Variants in MADD observed in about 807,000 individuals in gnomAD.
The protein encoded by MADD is MAP kinase-activating death domain protein.
In MADD, 109 loss-of-function variants were observed where a neutral mutation model predicts 176.7. That is an observed-to-expected ratio of 0.62 (90% confidence interval 0.53 to 0.72). MADD has a LOEUF of 0.72. Among genes scored for constraint, MADD ranks in the 30% least tolerant of loss-of-function variants. The pLI is 0.00. For missense variants in MADD, 1,914 were observed against 2,045.5 expected (o/e 0.94, Z 1.24); for synonymous variants, 771 against 771.3 (o/e 1.00, Z 0.01).
At chr11:47,312,814 G>T (rs964685941) in intron 26 of MADD, among the ~76,000 whole-genome samples, 1 of 152,170 alleles carries the variant, frequency 6.6e-6, no homozygotes, top group African/African-American at 2.4e-5. Flanking sequence ...ACTCTTATTA[G>T]ATTGATTAAT....
At chr11:47,294,346 C>T (rs1182706728) in intron 20 of MADD, among the ~76,000 whole-genome samples, 3 of 116,690 alleles carry the variant, frequency 2.6e-5, no homozygotes, top group Non-Finnish European at 5.0e-5. Flanking sequence ...GAAACTCCAT[C>T]TCAAAAAAAA....
At chr11:47,292,648 C>T (rs1353266473) in intron 19 of MADD, 52 bp downstream of exon 21, 5 of 1,578,474 alleles carry the variant, frequency 3.2e-6, no homozygotes, top group Non-Finnish European at 4.4e-6. Flanking sequence ...CCTGCCAACT[C>T]CCCAGGCCCA....
intron 3 of MADD, 116 bp downstream of exon 3, chr11:47,275,275 ATATTTAGAG>A (rs2048595839): frequency 2.3e-6 from 2 of 873,410 alleles, no homozygotes; most frequent in East Asian, 4.8e-5. Context: ...CCTATTAAGC[ATATTTAGAG>A]TATTTAGAGT....
chr11:47,300,516 G>A (rs1397353733), intron 22 of MADD, among the ~76,000 whole-genome samples: 1 of 139,180 alleles, frequency 7.2e-6, no homozygotes, highest in East Asian at 2.3e-4. Context: ...TTTTTTCTTT[G>A]AGACAGAGTC....
At chr11:47,290,353 C>T in intron 18 of MADD, 54 bp downstream of exon 19, 1 of 1,590,724 alleles carries the variant, frequency 6.3e-7, no homozygotes, top group Non-Finnish European at 8.6e-7. Context: ...CCACTTGTCT[C>T]CTGAAGAGAA....
chr11:47,292,430 G>A, intron 19 of MADD, 113 bp from the exon 21 acceptor site: 1 of 884,560 alleles, frequency 1.1e-6, no homozygotes, highest in Non-Finnish European at 1.9e-6. Context: ...CTCTTGGTTG[G>A]TAATCCAGTG....
intron 14 of MADD, among the ~76,000 whole-genome samples, 162 bp downstream of exon 14, chr11:47,285,752 T>C (rs944910573): frequency 7.0e-6 from 1 of 143,840 alleles, no homozygotes; most frequent in African/African-American, 2.6e-5. Flanking sequence ...CGTTTTCAAG[T>C]GAGGTCAGTA....
At chr11:47,310,917 A>G (rs1305602321) in intron 25 of MADD, among the ~76,000 whole-genome samples, 1 of 151,956 alleles carries the variant, frequency 6.6e-6, no homozygotes, top group Non-Finnish European at 1.5e-5. Context: ...CAAAAAAAAA[A>G]AAAAAAGAAA....
At chr11:47,295,807 C>G in intron 21 of MADD, 90 bp from the exon 24 acceptor site, 2 of 1,530,862 alleles carry the variant, frequency 1.3e-6, no homozygotes, top group South Asian at 2.6e-5. Flanking sequence ...AAATTTAATA[C>G]TTTTTTATGG....
intron 31 of MADD, chr11:47,327,906 C>T (rs1490632845): frequency 2.0e-6 from 2 of 985,184 alleles, no homozygotes; most frequent in Non-Finnish European, 1.2e-6. Flanking sequence ...AAGCAGAACC[C>T]CTGCATGGCT....
At chr11:47,326,335 G>A (rs1318762523) in intron 30 of MADD, among the ~76,000 whole-genome samples, 1 of 152,178 alleles carries the variant, frequency 6.6e-6, no homozygotes, top group East Asian at 1.9e-4. Flanking sequence ...CTTTGCGCCC[G>A]TGCCAGCCCT....
intron 25 of MADD, among the ~76,000 whole-genome samples, chr11:47,310,336 C>T (rs892086314): frequency 6.6e-6 from 1 of 151,708 alleles, no homozygotes. Context: ...CATCTACCAC[C>T]ATGCCTGGCT....
chr11:47,327,123 GC>G, intron 31 of MADD: 1 of 1,090,524 alleles, frequency 9.2e-7, no homozygotes, highest in South Asian at 3.2e-5. Context: ...TTGGGACACA[GC>G]AGACTGGCGA....
At chr11:47,281,260 C>A (rs2056431068) in intron 7 of MADD, among the ~76,000 whole-genome samples, 1 of 152,196 alleles carries the variant, frequency 6.6e-6, no homozygotes, top group Non-Finnish European at 1.5e-5. Flanking sequence ...CATTTAATGA[C>A]TATAATAATT....
chr11:47,273,930 A>T lies in MADD; in HGVS notation c.16A>T (p.Lys6Ter), dbSNP rs2047308274. Reference sequence around the variant, plus strand: ...AATTGGAACCATGGTGCAAAAGAAGAAGTTCTGTCCTCGGTTACTTGACTA... The same window carrying T: ...AATTGGAACCATGGTGCAAAAGAAGTAGTTCTGTCCTCGGTTACTTGACTA... The change falls in exon 2 of 33, where the codon AAG (lysine) becomes TAG (stop). Residue 6 changes from lysine (K) to a stop codon, truncating the protein, a stop_gained. Coordinates refer to ENST00000402192, the Ensembl canonical transcript of MADD. LOFTEE classifies it high-confidence loss of function. The T allele has an allele frequency of 1.9e-6, 3 of 1,613,998 alleles. No individual in the cohort carries two copies. The highest frequency in any genetic ancestry group is 1.7e-6 in the Non-Finnish European group (2 of 1,179,996).
intron 10 of MADD, 50 bp downstream of exon 10, chr11:47,283,019 A>G (rs760619216): frequency 6.3e-7 from 1 of 1,579,500 alleles, no homozygotes; most frequent in South Asian, 1.1e-5. Context: ...GGAGGCTCTC[A>G]CTAGCCCTTC....
intron 22 of MADD, among the ~76,000 whole-genome samples, chr11:47,296,322 A>G (rs1019889971): frequency 6.6e-6 from 1 of 152,192 alleles, no homozygotes; most frequent in East Asian, 1.9e-4. Context: ...AATCCTATGT[A>G]GTATTAACCC....
chr11:47,269,829 C>T (rs1298120258), upstream of MADD: 1 of 152,130 alleles, frequency 6.6e-6, no homozygotes, highest in Non-Finnish European at 1.5e-5. Flanking sequence ...AAGTGACTTT[C>T]AGAGGAATCC....
chr11:47,288,260 G>T (rs998635491), intron 15 of MADD, among the ~76,000 whole-genome samples: 3 of 152,182 alleles, frequency 2.0e-5, no homozygotes, highest in Non-Finnish European at 4.4e-5. Context: ...GTGCACTCCA[G>T]CCTGGACGAC....
Sources: gnomAD v4.1 joint callset for allele counts (sites outside exome capture counted in the v4.1 genomes callset) on GRCh38, gnomAD v4.1.1 for gene constraint, MANE v1.5 for transcripts, NCBI Gene and HGNC (gene_info 2026-07-23, HGNC 2026-07-21) for gene names.